Variants in NTRK2 observed in about 807,000 individuals in gnomAD.
The protein encoded by NTRK2 is neurotrophic receptor tyrosine kinase 2, also known as BDNF/NT-3 growth factors receptor.
In NTRK2, 13 loss-of-function variants were observed where a neutral mutation model predicts 94.5. The observed-to-expected ratio is 0.14, with a 90% CI of 0.09 to 0.22. The LOEUF is 0.22. Among genes scored for constraint, NTRK2 ranks in the 10% least tolerant of loss-of-function variants. The pLI is 1.00. For synonymous variants in NTRK2, 372 were observed against 407.4 expected (o/e 0.91, Z 1.05); for missense variants, 639 against 1,071.2 (o/e 0.60, Z 5.63).
At chr9:84,708,860 A>G (rs1778931) in intron 5 of NTRK2, among the ~76,000 whole-genome samples, 90,408 of 152,064 alleles carry the variant, frequency 0.59, 27,119 homozygotes, top group East Asian at 0.71. Flanking sequence ...TGAATTCAGG[A>G]CGTTGAAGCA....
chr9:84,860,974 G>A (rs2075311782), intron 12 of NTRK2, 66 bp from the exon 13 acceptor site: 5 of 1,205,952 alleles, frequency 4.1e-6, no homozygotes, highest in Admixed American at 1.7e-5. Flanking sequence ...ACCAAGGACA[G>A]TGTTGACCAC....
intron 13 of NTRK2, among the ~76,000 whole-genome samples, chr9:84,864,975 G>A (rs187926419): frequency 2.6e-4 from 40 of 151,932 alleles, no homozygotes; most frequent in African/African-American, 8.2e-4. Context: ...TCCTAACCTC[G>A]TGATCTGCCT....
At chr9:84,805,161 T>C (rs2070966120) in intron 12 of NTRK2, among the ~76,000 whole-genome samples, 1 of 152,234 alleles carries the variant, frequency 6.6e-6, no homozygotes, top group African/African-American at 2.4e-5. Context: ...AACTGTGCAA[T>C]AACTTTGGCT....
At chr9:84,670,233 CCTGGGCCGGAG>C (rs571192813) in intron 1 of NTRK2, 133 bp from the exon 2 acceptor site, 3,497 of 249,540 alleles carry the variant, frequency 0.014, 46 homozygotes, top group Non-Finnish European at 0.02. Context: ...CAAGTTGATT[CCTGGGCCGGAG>C]CTGGGCACTC....
rs1832956563 is a variant in NTRK2 at position 85,024,861 on chromosome 9, AT to A, written c.*3425del. ...AAAAGATTATATCAGAATTCATATT[AT>A]ACATGTGTTCACATCAGCGCTACCT... is the stretch of plus-strand genomic sequence containing the variant. On this transcript the variant is annotated 3_prime_UTR_variant, in exon 19 of 19. Transcript: ENST00000277120. The A allele has an allele frequency of 8.6e-6, 2 of 233,040 alleles. No individual in the cohort carries two copies. The highest frequency in any genetic ancestry group is 6.1e-5 in the East Asian group (1 of 16,502). The allele number at this position is 233,040 out of a possible 1,614,324, so 14.4% of individuals were successfully genotyped here.
Position 84,987,350 on chromosome 9 carries a change from CA to C in NTRK2, c.2172+31834del, listed in dbSNP as rs143527937. ...TATAAAAATAAAAGGATAGGGAACA[CA>C]TCCCCATTTTTTTAAGTTAGGAAAA... On this transcript the variant is annotated intron_variant, in intron 17 of 18. Transcript: ENST00000277120. Among the ~76,000 whole-genome samples the C allele has an allele frequency of 3.1e-3, 478 of 152,290 alleles. 3 individuals are homozygous for C. The highest frequency in any genetic ancestry group is 0.011 in the African/African-American group (452 of 41,570).
chr9:84,823,306 A>G (rs2072969957), intron 12 of NTRK2, among the ~76,000 whole-genome samples: 1 of 152,162 alleles, frequency 6.6e-6, no homozygotes, highest in Non-Finnish European at 1.5e-5. Context: ...ATTTCCTATC[A>G]TGACAGCTCT....
chr9:84,944,187 G>A lies in NTRK2; in HGVS notation c.1765-4275G>A, dbSNP rs1009466589. ...CAGGTTGGCGTTTCAAAAAAGAAAA[G>A]CTTGTTCTCTCTCTCTCTCTCTCTC... is the stretch of plus-strand genomic sequence containing the variant. On this transcript the variant is annotated intron_variant, in intron 15 of 18. Coordinates refer to ENST00000277120, the MANE Select transcript of NTRK2 (RefSeq NM_006180.6). Among the ~76,000 whole-genome samples, 72 of 133,538 alleles carry A rather than the reference G, an allele frequency of 5.4e-4. 1 individual carries two copies. Among genetic ancestry groups the A allele is most frequent in the Non-Finnish European group, 8.9e-4 (54 of 60,866 alleles). 87.6% of individuals were successfully genotyped at this position (133,538 alleles called of 152,430 possible).
chr9:84,683,816 AG>A (rs950633508), intron 2 of NTRK2, among the ~76,000 whole-genome samples: 2 of 152,188 alleles, frequency 1.3e-5, no homozygotes, highest in African/African-American at 4.8e-5. Context: ...ACAGTGTAAA[AG>A]CGTTCCTATT....
intron 17 of NTRK2, among the ~76,000 whole-genome samples, chr9:85,002,412 G>T (rs1392796469): frequency 6.6e-6 from 1 of 152,160 alleles, no homozygotes. Flanking sequence ...CAGGTGCTGT[G>T]GGTGTCTCTT....
At chr9:84,684,905 G>A (rs1452522272) in intron 2 of NTRK2, among the ~76,000 whole-genome samples, 1 of 151,804 alleles carries the variant, frequency 6.6e-6, no homozygotes, top group Non-Finnish European at 1.5e-5. Flanking sequence ...TGTCAGTTAA[G>A]GATTATGATA....
At chr9:84,867,097 T>C (rs986102623) in intron 13 of NTRK2, 146 bp from the exon 14 acceptor site, 17 of 734,548 alleles carry the variant, frequency 2.3e-5, no homozygotes, top group Admixed American at 1.8e-4. Flanking sequence ...GTCCTACAAG[T>C]AGATTATAGT....
chr9:84,877,411 G>A, intron 14 of NTRK2: 1 of 1,066,084 alleles, frequency 9.4e-7, no homozygotes, highest in Non-Finnish European at 1.1e-6. Flanking sequence ...TTTGGAGAGA[G>A]GGGACTTTGA....
intron 11 of NTRK2, among the ~76,000 whole-genome samples, chr9:84,751,403 A>G (rs1370607489): frequency 6.6e-6 from 1 of 152,160 alleles, no homozygotes; most frequent in African/African-American, 2.4e-5. Context: ...AATATGGCAA[A>G]ACCCTGTCTC....
chr9:84,836,098 C>A (rs2073859408), intron 12 of NTRK2, among the ~76,000 whole-genome samples: 1 of 152,180 alleles, frequency 6.6e-6, no homozygotes, highest in African/African-American at 2.4e-5. Context: ...TAGTTCTGTT[C>A]TTTGCCAAAA....
At position 84,845,222 on chromosome 9, in the gene NTRK2, A is replaced by G. The variant is rs117330053; in HGVS notation, c.1397-15818A>G. ...AACCAGCCTAAGTGCCCATTGACCA[A>G]TGAGTGGATAAAGAAAAATGTGGTG... On this transcript the variant is annotated intron_variant, in intron 12 of 18. Coordinates refer to ENST00000277120, the MANE Select transcript of NTRK2 (RefSeq NM_006180.6). Among the ~76,000 whole-genome samples, 837 of 151,526 alleles carry G rather than the reference A, an allele frequency of 5.5e-3. 2 individuals carry two copies. Among genetic ancestry groups the G allele is most frequent in the Non-Finnish European group, 6.8e-3 (460 of 67,932 alleles).
At chr9:84,805,679 C>A (rs1427225332) in intron 12 of NTRK2, among the ~76,000 whole-genome samples, 1 of 152,172 alleles carries the variant, frequency 6.6e-6, no homozygotes, top group East Asian at 1.9e-4. Flanking sequence ...TGAAACTTAA[C>A]CCCCAATGTG....
intron 12 of NTRK2, chr9:84,810,477 G>A (rs1588756283): frequency 7.1e-7 from 1 of 1,400,408 alleles, no homozygotes; most frequent in African/African-American, 1.4e-5. Context: ...TATTGTACTT[G>A]TATGTTAATT....
At chr9:84,831,387 A>G (rs2073535129) in intron 12 of NTRK2, among the ~76,000 whole-genome samples, 1 of 152,138 alleles carries the variant, frequency 6.6e-6, no homozygotes, top group Admixed American at 6.5e-5. Flanking sequence ...GCTGTTTTAT[A>G]TACAAGTCTA....
Sources: allele counts gnomAD v4.1 joint callset (sites outside exome capture counted in the v4.1 genomes callset), GRCh38; gene constraint gnomAD v4.1.1; transcripts MANE v1.5; gene names NCBI Gene and HGNC (gene_info 2026-07-23, HGNC 2026-07-21).